TECPR2: variants seen among roughly 807,000 people sequenced by gnomAD.
The protein encoded by TECPR2 is tectonin beta-propeller repeat-containing protein 2.
TECPR2 carries 65 observed loss-of-function variants against 138.1 expected under a neutral mutation model. The ratio of observed to expected loss-of-function variants is 0.47; its 90% CI spans 0.39 to 0.58. The LOEUF (loss-of-function observed/expected upper bound fraction) is 0.58, where lower values mean the gene tolerates loss of function less well. Among genes scored for constraint, TECPR2 ranks in the 20% least tolerant of loss-of-function variants. The probability of loss-of-function intolerance (pLI) is 0.00; values close to 1 mark genes in which losing one functional copy is unlikely to be tolerated. For missense variants in TECPR2, 1,553 were observed against 1,824.5 expected, an observed-to-expected ratio of 0.85 and a Z score of 2.71; for synonymous variants, 746 against 749.8, an observed-to-expected ratio of 0.99 and a Z score of 0.08.
rs1164188004 is a variant in TECPR2 at position 102,415,449 on chromosome 14, A to G, written c.638+656A>G. ...GAGGAAGGGCATCGAGAAGTCCACCAGCCATACCAGCCGTGTGGGAAAAGA... is the reference window on the plus strand; with the variant it reads ...GAGGAAGGGCATCGAGAAGTCCACCGGCCATACCAGCCGTGTGGGAAAAGA... On this transcript the variant is annotated intron_variant, in intron 5 of 19. Coordinates refer to ENST00000359520, the MANE Select transcript of TECPR2 (RefSeq NM_014844.5). The surrounding 1 kb of genome is among the most constrained non-coding windows in gnomAD (Gnocchi z 4.3). 6.6e-6 allele frequency among the ~76,000 whole-genome samples: 1 copy of G among 152,166 alleles called. No individual in the cohort carries two copies. Among genetic ancestry groups the G allele is most frequent in the Non-Finnish European group, 1.5e-5 (1 of 68,022 alleles).
intron 4 of TECPR2, among the ~76,000 whole-genome samples, chr14:102,413,981 G>A (rs1460954360): frequency 1.3e-5 from 2 of 151,358 alleles, no homozygotes; most frequent in Non-Finnish European, 2.9e-5. Context: ...AAATTTTTTT[G>A]TAGAGACATG....
intron 17 of TECPR2, among the ~76,000 whole-genome samples, chr14:102,496,683 C>T (rs1270693895): frequency 6.6e-6 from 1 of 152,212 alleles, no homozygotes; most frequent in African/African-American, 2.4e-5. Context: ...TCTCTCCTCT[C>T]ATTCCTCCAC....
intron 16 of TECPR2, among the ~76,000 whole-genome samples, chr14:102,457,382 AC>A (rs1443845874): frequency 6.6e-6 from 1 of 151,972 alleles, no homozygotes; most frequent in African/African-American, 2.4e-5. Context: ...ACTGCGCCTG[AC>A]CCAAGAGACC....
chr14:102,502,279 T>C lies in TECPR2; in HGVS notation c.*4022T>C, dbSNP rs1453956713. 1.3e-5 allele frequency: 2 copies of C among 152,658 alleles called. No individual in the cohort carries two copies. The highest frequency in any genetic ancestry group is 1.5e-5 in the Non-Finnish European group (1 of 68,036). 9.5% of individuals were successfully genotyped at this position (152,658 alleles called of 1,614,324 possible). ...ACGTTGGAGGGTATTTGTTGTAAAC[T>C]TCAAACTTTTGGCAGGTTTGAAATT... On this transcript the variant is annotated 3_prime_UTR_variant, in exon 20 of 20. Coordinates refer to ENST00000359520, the MANE Select transcript of TECPR2 (RefSeq NM_014844.5).
At chr14:102,388,363 A>G (rs887151305) in intron 2 of TECPR2, among the ~76,000 whole-genome samples, 3 of 152,206 alleles carry the variant, frequency 2.0e-5, no homozygotes, top group East Asian at 1.9e-4. Flanking sequence ...CCTGAGTTCA[A>G]CTGAATTCCA....
At chr14:102,394,865 C>T (rs1888273550) in intron 2 of TECPR2, among the ~76,000 whole-genome samples, 1 of 152,122 alleles carries the variant, frequency 6.6e-6, no homozygotes, top group Non-Finnish European at 1.5e-5. Flanking sequence ...TTCTGTTTAC[C>T]CCTTTTCTAG....
Position 102,452,461 on chromosome 14 carries a change from G to T in TECPR2, c.3474G>T (p.Ser1158=), listed in dbSNP as rs376646346. The T allele has an allele frequency of 3.5e-4, 567 of 1,613,746 alleles. 9 individuals are homozygous for T. The South Asian group carries it at 5.9e-3, about 17-fold the overall frequency. The part of the protein sequence containing the change: ...LCSVSAQSAQ[S]RPSTVQLPPE... ...GCGTCAGCGCCCAGAGCGCACAGTCGCGGCCCTCCACGGTGCAGCTGCCTC... is the reference window on the plus strand; with the variant it reads ...GCGTCAGCGCCCAGAGCGCACAGTCTCGGCCCTCCACGGTGCAGCTGCCTC... Residue 1158 remains serine, a synonymous_variant, in exon 16 of 20, where the codon TCG becomes TCT. Transcript: ENST00000359520.
chr14:102,471,335 T>A (rs1203100077), intron 17 of TECPR2, among the ~76,000 whole-genome samples: 1 of 152,208 alleles, frequency 6.6e-6, no homozygotes, highest in African/African-American at 2.4e-5. Flanking sequence ...TTTGTTGGCA[T>A]CCAATTGTTC....
chr14:102,498,612 A>T lies in TECPR2; in HGVS notation c.*355A>T. On this transcript the variant is annotated 3_prime_UTR_variant, in exon 20 of 20. Transcript: ENST00000359520. ...CCGGAGGCCTCCCAGAACCAAGGGTAGCCGGGCAGCTGGTTTGGCCCAGGG... is the reference window on the plus strand; with the variant it reads ...CCGGAGGCCTCCCAGAACCAAGGGTTGCCGGGCAGCTGGTTTGGCCCAGGG... The T allele has an allele frequency of 2.4e-6, 1 of 413,708 alleles. No individual in the cohort carries two copies. Among genetic ancestry groups the T allele is most frequent in the Non-Finnish European group, 4.6e-6 (1 of 218,776 alleles). The allele number at this position is 413,708 out of a possible 1,614,324, so 25.6% of individuals were successfully genotyped here.
At chr14:102,400,745 A>C (rs1300036907) in intron 2 of TECPR2, among the ~76,000 whole-genome samples, 1 of 152,112 alleles carries the variant, frequency 6.6e-6, no homozygotes, top group Non-Finnish European at 1.5e-5. Flanking sequence ...TACAAAACAA[A>C]ATGACAAGCC....
Position 102,452,632 on chromosome 14 carries a change from G to A in TECPR2, c.3640+5G>A, listed in dbSNP as rs763739444. On this transcript the variant is annotated splice_donor_5th_base_variant and intron_variant, in intron 16 of 19. Transcript: ENST00000359520. ...GGCTGGACCTCTCCCAGCTAGGTAC[G>A]GCCACCTCGTGAGTACACCTGCCGG... The A allele has an allele frequency of 1.6e-5, 25 of 1,577,332 alleles. No individual in the cohort carries two copies. The highest frequency in any genetic ancestry group is 8.0e-5 in the South Asian group (7 of 87,036).
chr14:102,452,435 A>G lies in TECPR2; in HGVS notation c.3448A>G (p.Ser1150Gly), dbSNP rs774344253. The G allele has an allele frequency of 3.7e-6, 6 of 1,613,342 alleles. No individual in the cohort carries two copies. Among genetic ancestry groups the G allele is most frequent in the Non-Finnish European group, 5.1e-6 (6 of 1,179,554 alleles). ...WLCQSSKDLC[S>G]VSAQSAQSRP... Reference sequence around the variant, plus strand: ...GTGCCAGAGCAGCAAGGACCTGTGCAGCGTCAGCGCCCAGAGCGCACAGTC... The same window carrying G: ...GTGCCAGAGCAGCAAGGACCTGTGCGGCGTCAGCGCCCAGAGCGCACAGTC... The change falls in exon 16 of 20, where the codon AGC (serine) becomes GGC (glycine). Residue 1150 changes from serine to glycine, a missense_variant. Physicochemically the swap from Ser to Gly is moderately conservative, Grantham distance 56 (BLOSUM62 0). Transcript: ENST00000359520.
At chr14:102,496,762 G>T in intron 17 of TECPR2, 2 of 644,498 alleles carry the variant, frequency 3.1e-6, no homozygotes, top group Non-Finnish European at 5.2e-6. Context: ...TATCTGCTGG[G>T]CTGTCCCTCA....
intron 17 of TECPR2, among the ~76,000 whole-genome samples, chr14:102,492,688 A>G (rs900997957): frequency 1.3e-5 from 2 of 152,136 alleles, no homozygotes; most frequent in Non-Finnish European, 2.9e-5. Flanking sequence ...GGCCCTTCCC[A>G]GAGGCCTGGC....
At chr14:102,406,460 C>T (rs576683101) in intron 2 of TECPR2, among the ~76,000 whole-genome samples, 1 of 152,152 alleles carries the variant, frequency 6.6e-6, no homozygotes, top group East Asian at 1.9e-4. Context: ...GCAGGAGAAT[C>T]GCTTGAACCC....
chr14:102,397,781 A>T (rs1272153900), intron 2 of TECPR2, among the ~76,000 whole-genome samples: 1 of 151,778 alleles, frequency 6.6e-6, no homozygotes, highest in Non-Finnish European at 1.5e-5. Context: ...GGAAAAAGGT[A>T]AAACAGCGTA....
At chr14:102,446,945 G>A (rs903477658) in intron 13 of TECPR2, among the ~76,000 whole-genome samples, 5 of 152,128 alleles carry the variant, frequency 3.3e-5, no homozygotes, top group African/African-American at 9.7e-5. Context: ...CCAGATAATA[G>A]GTTTGAAAGC....
rs147010113 is a variant in TECPR2 at position 102,425,094 on chromosome 14, C to A, written c.754C>A (p.Gln252Lys). The A allele has an allele frequency of 9.1e-5, 147 of 1,614,110 alleles. No individual in the cohort carries two copies. In the African/African-American group the frequency reaches 1.8e-3, roughly 20 times the overall value. The change falls in exon 6 of 20, where the codon CAA becomes AAA. Residue 252 changes from glutamine (Q) to lysine (K), a missense_variant. Physicochemically the swap from Gln to Lys is moderately conservative, Grantham distance 53. Transcript: ENST00000359520. ...GAAGGCTGATGTCCACGGGACTGTT[C>A]AAGCCACGTTTATCTTAAAAGATGC... ...LWKADVHGTV[Q>K]ATFILKDAFA...
Position 102,498,135 on chromosome 14 carries a change from C to T in TECPR2, c.4114C>T (p.Pro1372Ser), listed in dbSNP as rs752465043. 2.5e-6 allele frequency: 4 copies of T among 1,613,418 alleles called. No individual in the cohort carries two copies. The South Asian group carries it at 4.4e-5, about 18-fold the overall frequency. ...TASDELWAVG[P>S]PGYLLQRLTK... is the part of the protein sequence containing the mutation. ...GTCAGATGAGCTGTGGGCTGTGGGC[C>T]CGCCCGGCTACCTCCTCCAACGGCT... The change falls in exon 20 of 20, where the codon CCG becomes TCG. Residue 1372 changes from proline to serine, a missense_variant. Pro to Ser is a moderately conservative substitution (Grantham distance 74, BLOSUM62 -1). Coordinates refer to ENST00000359520, the MANE Select transcript of TECPR2 (RefSeq NM_014844.5).
Sources: allele counts gnomAD v4.1 joint callset (sites outside exome capture counted in the v4.1 genomes callset), GRCh38; gene constraint gnomAD v4.1.1; non-coding constraint Gnocchi (gnomAD v3.1); transcripts MANE v1.5; gene names NCBI Gene and HGNC (gene_info 2026-07-23, HGNC 2026-07-21).